SERPINI1: variants seen among roughly 807,000 people sequenced by gnomAD.
SERPINI1 encodes the protein neuroserpin.
In SERPINI1, 19 loss-of-function variants were observed where a neutral mutation model predicts 41.1. The observed-to-expected ratio is 0.46, with a 90% CI of 0.32 to 0.68. The LOEUF is 0.68. SERPINI1 is among the 30% of genes least tolerant of loss of function. The probability of loss-of-function intolerance (pLI) is 0.03; values close to 1 mark genes in which losing one functional copy is unlikely to be tolerated. For missense variants in SERPINI1, 460 were observed against 479.2 expected, an observed-to-expected ratio of 0.96 and a Z score of 0.37; for synonymous variants, 138 against 156.6, an observed-to-expected ratio of 0.88 and a Z score of 0.89.
intron 6 of SERPINI1, among the ~76,000 whole-genome samples, chr3:167,808,425 TA>T (rs1368878242): frequency 6.6e-6 from 1 of 151,932 alleles, no homozygotes; most frequent in Non-Finnish European, 1.5e-5. Context: ...ACTGAGTAAA[TA>T]AGTTATATAA....
chr3:167,774,132 T>G (rs767909096), intron 1 of SERPINI1, among the ~76,000 whole-genome samples: 5 of 152,152 alleles, frequency 3.3e-5, no homozygotes, highest in Non-Finnish European at 7.3e-5. Flanking sequence ...TCATAATAAC[T>G]CTATGAAATA....
At chr3:167,740,873 C>T (rs187993799) in intron 1 of SERPINI1, among the ~76,000 whole-genome samples, 124 of 152,286 alleles carry the variant, frequency 8.1e-4, no homozygotes, top group Middle Eastern at 3.4e-3. Flanking sequence ...CTCCCCTACA[C>T]GATTTCCATT....
intron 6 of SERPINI1, among the ~76,000 whole-genome samples, chr3:167,811,949 A>G (rs980266391): frequency 3.5e-4 from 53 of 152,234 alleles, no homozygotes; most frequent in African/African-American, 1.3e-3. Flanking sequence ...ATTATGTGAT[A>G]AAATTGTATC....
intron 1 of SERPINI1, among the ~76,000 whole-genome samples, chr3:167,740,736 G>A (rs760166709): frequency 3.3e-5 from 5 of 152,158 alleles, no homozygotes; most frequent in South Asian, 2.1e-4. Context: ...GTGTGTGTGC[G>A]TGCATGGGCG....
At chr3:167,796,068 A>G (rs1365128966) in intron 5 of SERPINI1, among the ~76,000 whole-genome samples, 3 of 152,126 alleles carry the variant, frequency 2.0e-5, no homozygotes, top group Non-Finnish European at 4.4e-5. Flanking sequence ...AAGATGAATT[A>G]TTAATAACTG....
At chr3:167,801,204 G>A (rs887175715) in intron 5 of SERPINI1, among the ~76,000 whole-genome samples, 1 of 152,192 alleles carries the variant, frequency 6.6e-6, no homozygotes, top group Non-Finnish European at 1.5e-5. Context: ...ATGTGTTATA[G>A]TCTCCTACCT....
chr3:167,781,235 C>A (rs1164183988), intron 1 of SERPINI1, among the ~76,000 whole-genome samples: 1 of 147,538 alleles, frequency 6.8e-6, no homozygotes, highest in Non-Finnish European at 1.5e-5. Flanking sequence ...CTAGTATTAA[C>A]CAAAGTTAAA....
At chr3:167,809,011 C>A (rs748282694) in intron 6 of SERPINI1, among the ~76,000 whole-genome samples, 1 of 152,130 alleles carries the variant, frequency 6.6e-6, no homozygotes, top group Non-Finnish European at 1.5e-5. Context: ...GCTTACAGCC[C>A]TAAACACTAA....
At chr3:167,820,058 A>G (rs1436889950) in intron 6 of SERPINI1, among the ~76,000 whole-genome samples, 2 of 152,186 alleles carry the variant, frequency 1.3e-5, no homozygotes, top group Admixed American at 6.5e-5. Flanking sequence ...GGCTTAAAAA[A>G]CAGAAATTTA....
intron 1 of SERPINI1, among the ~76,000 whole-genome samples, chr3:167,775,894 G>A (rs181426971): frequency 1.6e-4 from 24 of 152,106 alleles, no homozygotes; most frequent in African/African-American, 5.5e-4. Flanking sequence ...ACAAGAAATT[G>A]TTCAGTAAAA....
At chr3:167,806,007 A>G (rs1284430523) in intron 5 of SERPINI1, among the ~76,000 whole-genome samples, 1 of 152,180 alleles carries the variant, frequency 6.6e-6, no homozygotes, top group East Asian at 1.9e-4. Flanking sequence ...ATTATATTAT[A>G]AAGACACATT....
chr3:167,782,091 C>A (rs1727150775), intron 1 of SERPINI1, among the ~76,000 whole-genome samples: 1 of 152,164 alleles, frequency 6.6e-6, no homozygotes, highest in Non-Finnish European at 1.5e-5. Context: ...TATTCTGGTA[C>A]TGCAGCCTCT....
At chr3:167,817,653 A>G (rs1038251847) in intron 6 of SERPINI1, among the ~76,000 whole-genome samples, 9 of 151,916 alleles carry the variant, frequency 5.9e-5, no homozygotes, top group African/African-American at 1.5e-4. Flanking sequence ...GCTCGAGTGC[A>G]GTGGCCGGAT....
At chr3:167,737,894 A>C (rs1309919816) in intron 1 of SERPINI1, among the ~76,000 whole-genome samples, 2 of 152,082 alleles carry the variant, frequency 1.3e-5, no homozygotes, top group African/African-American at 4.8e-5. Flanking sequence ...GATTTTTTTC[A>C]CCTGTTTCCA....
intron 1 of SERPINI1, among the ~76,000 whole-genome samples, chr3:167,786,222 G>A (rs1378070936): frequency 6.6e-6 from 1 of 152,198 alleles, no homozygotes; most frequent in East Asian, 1.9e-4. Flanking sequence ...GAGAAGATAG[G>A]CCGGGTGTGG....
intron 6 of SERPINI1, among the ~76,000 whole-genome samples, chr3:167,818,888 A>C (rs1300848296): frequency 1.3e-5 from 2 of 152,222 alleles, no homozygotes; most frequent in African/African-American, 4.8e-5. Context: ...AAATTGATGT[A>C]GTTGGAATAT....
rs368852293 is a variant in SERPINI1 at position 167,780,491 on chromosome 3, G to C, written c.-18-8620G>C. Reference sequence around the variant, plus strand: ...GAAAACACTGTGATCTATTCTGTAAGACTGACAAATCCTTCTGCCTTTAAC... The same window carrying C: ...GAAAACACTGTGATCTATTCTGTAACACTGACAAATCCTTCTGCCTTTAAC... On this transcript the variant is annotated intron_variant, in intron 1 of 8. Transcript: ENST00000446050. Among the ~76,000 whole-genome samples, 220 of 152,300 alleles carry C rather than the reference G, an allele frequency of 1.4e-3. 1 individual carries two copies. The highest frequency in any genetic ancestry group is 5.0e-3 in the African/African-American group (209 of 41,572).
Position 167,793,596 on chromosome 3 carries a change from A to ATATATATATTTTTTTT in SERPINI1, c.676+813_676+814insATATATATTTTTTTTT. Among the ~76,000 whole-genome samples, 365 of 140,580 alleles carry ATATATATATTTTTTTT rather than the reference A, an allele frequency of 2.6e-3. 1 individual carries two copies. Among genetic ancestry groups the ATATATATATTTTTTTT allele is most frequent in the African/African-American group, 9.3e-3 (340 of 36,522 alleles). The allele number at this position is 140,580 out of a possible 152,430, so 92.2% of individuals were successfully genotyped here. A position where few individuals can be genotyped will look rare whatever the true frequency, so the allele number is the denominator to read the frequency against. On this transcript the variant is annotated intron_variant, in intron 4 of 8. Transcript: ENST00000446050. ...TACAAATATATATATATATATATAT[A>ATATATATATTTTTTTT]TTTTTAATTAGCTAGGCATAATGGT...
intron 1 of SERPINI1, among the ~76,000 whole-genome samples, chr3:167,760,931 G>A (rs1260268488): frequency 5.9e-5 from 9 of 152,154 alleles, no homozygotes; most frequent in Admixed American, 5.9e-4. Context: ...TTGTGTCATT[G>A]TTTTGGTGAC....
Sources: allele counts gnomAD v4.1 joint callset (sites outside exome capture counted in the v4.1 genomes callset), GRCh38; gene constraint gnomAD v4.1.1; transcripts MANE v1.5; gene names NCBI Gene and HGNC (gene_info 2026-07-23, HGNC 2026-07-21).